PTPRT: variants seen among roughly 807,000 people sequenced by gnomAD.
PTPRT encodes the protein protein tyrosine phosphatase receptor type T.
Under a neutral mutation model 176.8 loss-of-function variants are expected in PTPRT, and 56 were observed. The observed-to-expected ratio is 0.32, with a 90% CI of 0.26 to 0.40. PTPRT has a LOEUF of 0.40. Among genes scored for constraint, PTPRT ranks in the 10% least tolerant of loss-of-function variants. The pLI is 1.00. For synonymous variants in PTPRT, 783 were observed against 739.0 expected, an observed-to-expected ratio of 1.06 and a Z score of -0.96; for missense variants, 1,540 against 1,908.2, an observed-to-expected ratio of 0.81 and a Z score of 3.60.
chr20:42,743,849 A>C (rs2076650191), intron 6 of PTPRT, among the ~76,000 whole-genome samples: 1 of 152,154 alleles, frequency 6.6e-6, no homozygotes, highest in African/African-American at 2.4e-5. Flanking sequence ...GAGAATTGCT[A>C]CTGTTTTGTT....
chr20:43,006,032 G>A (rs1984838754), intron 1 of PTPRT, among the ~76,000 whole-genome samples: 1 of 152,126 alleles, frequency 6.6e-6, no homozygotes, highest in Non-Finnish European at 1.5e-5. Flanking sequence ...ATGTGTAGTT[G>A]GACCCTGAAC....
intron 13 of PTPRT, among the ~76,000 whole-genome samples, chr20:42,253,238 A>G (rs2056578536): frequency 6.6e-6 from 1 of 152,298 alleles, no homozygotes; most frequent in African/African-American, 2.4e-5. Context: ...GGAGTCATAA[A>G]AAAGCACATC....
At chr20:42,756,337 G>A (rs2076831899) in intron 6 of PTPRT, 125 bp downstream of exon 6, 1 of 1,057,496 alleles carries the variant, frequency 9.5e-7, no homozygotes, top group Non-Finnish European at 1.3e-6. Flanking sequence ...GGAGGCCAGA[G>A]TGACTAGAAA....
intron 15 of PTPRT, among the ~76,000 whole-genome samples, chr20:42,204,909 G>A (rs1404962325): frequency 2.0e-5 from 3 of 151,944 alleles, no homozygotes; most frequent in Admixed American, 2.0e-4. Context: ...GCATCTGATG[G>A]TTGGGTCTCT....
At chr20:42,799,238 G>A (rs543713405) in intron 2 of PTPRT, among the ~76,000 whole-genome samples, 3 of 152,030 alleles carry the variant, frequency 2.0e-5, no homozygotes, top group Non-Finnish European at 4.4e-5. Flanking sequence ...AACTGCAGGC[G>A]AGGGAAGGGG....
chr20:42,177,564 G>A (rs1990343637), intron 16 of PTPRT, among the ~76,000 whole-genome samples: 1 of 152,212 alleles, frequency 6.6e-6, no homozygotes, highest in Non-Finnish European at 1.5e-5. Context: ...GCTGATCACT[G>A]AAATGCCAAA....
intron 4 of PTPRT, among the ~76,000 whole-genome samples, chr20:42,779,409 C>T (rs1449117803): frequency 6.6e-6 from 1 of 152,160 alleles, no homozygotes; most frequent in Non-Finnish European, 1.5e-5. Context: ...CTGGGAATCT[C>T]CAATCTGCAG....
At chr20:43,020,930 C>T (rs920055614) in intron 1 of PTPRT, among the ~76,000 whole-genome samples, 2 of 152,044 alleles carry the variant, frequency 1.3e-5, no homozygotes, top group Non-Finnish European at 2.9e-5. Context: ...GGATTGGAAC[C>T]CAGGTCTGTT....
At chr20:42,872,438 C>A (rs1365138536) in intron 2 of PTPRT, among the ~76,000 whole-genome samples, 1 of 152,150 alleles carries the variant, frequency 6.6e-6, no homozygotes, top group Non-Finnish European at 1.5e-5. Flanking sequence ...ATTTATCTTT[C>A]TGTGAAGGTC....
intron 7 of PTPRT, among the ~76,000 whole-genome samples, chr20:42,548,349 G>T (rs2072711523): frequency 6.6e-6 from 1 of 151,964 alleles, no homozygotes; most frequent in Non-Finnish European, 1.5e-5. Flanking sequence ...TGAGCTCTGA[G>T]AAAGGCCAAT....
intron 2 of PTPRT, among the ~76,000 whole-genome samples, chr20:42,854,357 T>C (rs115530564): frequency 0.013 from 2,043 of 152,278 alleles, 36 homozygotes; most frequent in African/African-American, 0.046. Flanking sequence ...GGCCAAGACA[T>C]AGCAAGTTTG....
intron 7 of PTPRT, among the ~76,000 whole-genome samples, chr20:42,677,492 G>A (rs2075525847): frequency 6.6e-6 from 1 of 152,106 alleles, no homozygotes; most frequent in South Asian, 2.1e-4. Flanking sequence ...AGAGCCCTCG[G>A]AGAAATTATT....
rs143816774 is a variant in PTPRT at position 42,600,558 on chromosome 20, C to T, written c.1153+77308G>A. Among the ~76,000 whole-genome samples, 213 of 152,226 alleles carry T rather than the reference C, an allele frequency of 1.4e-3. 1 individual carries two copies. The highest frequency in any genetic ancestry group is 4.9e-3 in the African/African-American group (203 of 41,534). On this transcript the variant is annotated intron_variant, in intron 7 of 30. Coordinates refer to ENST00000373187, the MANE Select transcript of PTPRT (RefSeq NM_007050.6). Reference sequence around the variant, plus strand: ...TGAAGTTGGCTTTTAGCGTCCATATCACCGGATAGTGTACATTGCGCCGAT... The same window carrying T: ...TGAAGTTGGCTTTTAGCGTCCATATTACCGGATAGTGTACATTGCGCCGAT...
intron 9 of PTPRT, among the ~76,000 whole-genome samples, chr20:42,397,438 C>T (rs2058862615): frequency 1.3e-5 from 2 of 152,150 alleles, no homozygotes; most frequent in Admixed American, 1.3e-4. Flanking sequence ...AGTTTTTCAG[C>T]CCTTGCTACC....
intron 2 of PTPRT, among the ~76,000 whole-genome samples, chr20:42,884,695 C>T (rs1029008983): frequency 2.6e-5 from 4 of 152,090 alleles, no homozygotes; most frequent in African/African-American, 7.2e-5. Flanking sequence ...ACAGGGGAGA[C>T]TGAGAAAGAG....
chr20:42,320,903 C>T (rs1156468693), intron 11 of PTPRT, among the ~76,000 whole-genome samples: 1 of 152,084 alleles, frequency 6.6e-6, no homozygotes, highest in Non-Finnish European at 1.5e-5. Flanking sequence ...ATCTTAATGG[C>T]AACATCCCAC....
At chr20:42,735,032 T>A (rs2076518013) in intron 6 of PTPRT, among the ~76,000 whole-genome samples, 1 of 152,198 alleles carries the variant, frequency 6.6e-6, no homozygotes, top group African/African-American at 2.4e-5. Context: ...CACACAGTGT[T>A]CCAGAAGTGC....
intron 11 of PTPRT, among the ~76,000 whole-genome samples, chr20:42,341,219 G>A (rs2058106392): frequency 6.6e-6 from 1 of 152,022 alleles, no homozygotes; most frequent in Non-Finnish European, 1.5e-5. Context: ...CAGCATCCAG[G>A]TTGCCTGGCC....
At chr20:42,161,169 C>G (rs1421276676) in intron 17 of PTPRT, among the ~76,000 whole-genome samples, 183 bp downstream of exon 17, 1 of 152,166 alleles carries the variant, frequency 6.6e-6, no homozygotes, top group Non-Finnish European at 1.5e-5. Context: ...CACCTAGTTT[C>G]TGGTTAAAAT....
Sources: allele counts gnomAD v4.1 joint callset (sites outside exome capture counted in the v4.1 genomes callset), GRCh38; gene constraint gnomAD v4.1.1; transcripts MANE v1.5; gene names NCBI Gene and HGNC (gene_info 2026-07-23, HGNC 2026-07-21).